DEFB132: variants seen among roughly 807,000 people sequenced by gnomAD.
The protein encoded by DEFB132 is defensin beta 132.
Under a neutral mutation model 2.5 loss-of-function variants are expected in DEFB132, and 5 were observed. That is an observed-to-expected ratio of 2.00 (90% CI 1.04 to 4.20). The LOEUF (loss-of-function observed/expected upper bound fraction) is 4.20. Ranked by LOEUF, DEFB132 falls within the 30% of genes most tolerant of loss-of-function variation. The pLI, the probability that DEFB132 is intolerant of heterozygous loss-of-function variation, is 0.00. For missense variants in DEFB132, 112 were observed against 110.0 expected (o/e 1.02, Z -0.08); for synonymous variants, 53 against 46.2 (o/e 1.15, Z -0.60).
rs371055245 is a variant in DEFB132, at chr20:259,310, C to T, written c.*4C>T. On this transcript the variant is annotated 3_prime_UTR_variant, in exon 2 of 2. Transcript: ENST00000382376. ...ACAAACGACCGTAACATCATAATAA[C>T]CACTGCTATCGCCTCCACCAACTCA... The T allele has an allele frequency of 6.7e-5, 108 of 1,613,568 alleles. No homozygotes were observed. Among genetic ancestry groups the T allele is most frequent in the Non-Finnish European group, 8.6e-5 (102 of 1,179,788 alleles).
rs146838828 is a variant in DEFB132, at chr20:259,013, G to A, written c.59-64G>A. On this transcript the variant is annotated intron_variant, in intron 1 of 1. Coordinates refer to ENST00000382376, the MANE Select transcript of DEFB132 (RefSeq NM_207469.3). ...AAGCCAAACACTCCCATCTGGCGCT[G>A]ACGCTTTAGTAGCCCTGTGCTGCTT... The A allele has an allele frequency of 4.1e-4, 625 of 1,536,776 alleles. 3 individuals carry two copies. The African/African-American group carries it at 7.4e-3, about 18-fold the overall frequency.
rs1314835296 is a variant in DEFB132, at chr20:259,438, GT to G, written c.*133del. 1 of 905,874 alleles carries G rather than the reference GT, an allele frequency of 1.1e-6. No individual in the cohort carries two copies. Among genetic ancestry groups the G allele is most frequent in the East Asian group, 2.6e-5 (1 of 37,774 alleles). 56.1% of individuals were successfully genotyped at this position (905,874 alleles called of 1,614,324 possible). A position where few individuals can be genotyped will look rare whatever the true frequency, so the allele number is the denominator to read the frequency against. ...ATCTATAGCCAACCCCAAAACTTCT[GT>G]CTTCTATCATTCTGTCATTCATCTA... On this transcript the variant is annotated 3_prime_UTR_variant, in exon 2 of 2. Transcript: ENST00000382376.
intron 1 of DEFB132, 90 bp from the exon 2 acceptor site, chr20:258,987 A>G (rs2011609231): frequency 7.5e-7 from 1 of 1,338,104 alleles, no homozygotes. Flanking sequence ...CTCAGAACAA[A>G]AAGCCAAACA....
rs1451877631 is a variant in DEFB132, at chr20:257,916, C to T, written c.58+80C>T. The T allele has an allele frequency of 1.2e-5, 17 of 1,472,776 alleles. No homozygotes were observed. The South Asian group carries it at 2.0e-4, about 18-fold the overall frequency. 91.2% of individuals were successfully genotyped at this position (1,472,776 alleles called of 1,614,324 possible). A position where few individuals can be genotyped will look rare whatever the true frequency, so the allele number is the denominator to read the frequency against. Reference sequence around the variant, plus strand: ...TCTGGTTGCTCTGGTGATAGATGAGCCAGGTTGGGTGGAGGCAGGGCTCAC... The same window carrying T: ...TCTGGTTGCTCTGGTGATAGATGAGTCAGGTTGGGTGGAGGCAGGGCTCAC... On this transcript the variant is annotated intron_variant, in intron 1 of 1. Coordinates refer to ENST00000382376, the MANE Select transcript of DEFB132 (RefSeq NM_207469.3).
At position 260,911 on chromosome 20, in the gene DEFB132, A is replaced by T. The variant is rs1398556623; in HGVS notation, c.*1605A>T. On this transcript the variant is annotated 3_prime_UTR_variant, in exon 2 of 2. Transcript: ENST00000382376. Reference sequence around the variant, plus strand: ...TAAATATTAAGTTCTTATGTATGTCAAAAGATATCATTTTGAAATTCATCC... The same window carrying T: ...TAAATATTAAGTTCTTATGTATGTCTAAAGATATCATTTTGAAATTCATCC... The T allele has an allele frequency of 6.6e-6, 1 of 152,244 alleles. No homozygotes were observed. The highest frequency in any genetic ancestry group is 1.9e-4 in the East Asian group (1 of 5,206). 9.4% of individuals were successfully genotyped at this position (152,244 alleles called of 1,614,324 possible).
At chr20:258,074 C>T (rs1303981926) in intron 1 of DEFB132, among the ~76,000 whole-genome samples, 1 of 152,190 alleles carries the variant, frequency 6.6e-6, no homozygotes, top group East Asian at 1.9e-4. Flanking sequence ...TCACCCTCAA[C>T]CTAAACCAAA....
In DEFB132 at chr20:259,139, T is replaced by G. The variant is rs1327447573; in HGVS notation, c.121T>G (p.Trp41Gly). The G allele has an allele frequency of 1.2e-6, 2 of 1,614,036 alleles. No individual in the cohort carries two copies. The highest frequency in any genetic ancestry group is 1.7e-6 in the Non-Finnish European group (2 of 1,180,034). ...AGGATACTGCAGGACATGTTGCCAC[T>G]GGGGGGAGACAGCATTGTTCATGTG... ...TPGYCRTCCH[W>G]GETALFMCNA... The change falls in exon 2 of 2, where the codon TGG (tryptophan) becomes GGG (glycine). Residue 41 changes from tryptophan to glycine, a missense_variant. By Grantham distance (184) the Trp-to-Gly change is radical. Transcript: ENST00000382376.
At position 259,961 on chromosome 20, in the gene DEFB132, A is replaced by G. The variant is rs73570492; in HGVS notation, c.*655A>G. 3,260 of 154,262 alleles carry G rather than the reference A, an allele frequency of 0.021. 108 individuals are homozygous for G. Among genetic ancestry groups the G allele is most frequent in the South Asian group, 0.079 (389 of 4,938 alleles). The allele number at this position is 154,262 out of a possible 1,614,324, so 9.6% of individuals were successfully genotyped here. ...AGCAAGTTCTCTTGAAAGGAAATCTAAACAGTGCACCCCCATGGCTGCCAC... is the reference window on the plus strand; with the variant it reads ...AGCAAGTTCTCTTGAAAGGAAATCTGAACAGTGCACCCCCATGGCTGCCAC... On this transcript the variant is annotated 3_prime_UTR_variant, in exon 2 of 2. Coordinates refer to ENST00000382376, the MANE Select transcript of DEFB132 (RefSeq NM_207469.3).
chr20:258,018 C>T (rs77888175), intron 1 of DEFB132, among the ~76,000 whole-genome samples, 182 bp downstream of exon 1: 2,296 of 152,254 alleles, frequency 0.015, 60 homozygotes, highest in African/African-American at 0.052. Context: ...CAAACACCAC[C>T]CTATATAACC....
chr20:259,079 A>AG lies in DEFB132; in HGVS notation c.62dup (p.Ser21ArgfsTer10). 6.2e-7 allele frequency: 1 copy of AG among 1,614,112 alleles called. No homozygotes were observed. Among genetic ancestry groups the AG allele is most frequent in the South Asian group, 1.1e-5 (1 of 91,078 alleles). ...CTGTCTTGTCCTCTCCCATACAGCC[A>AG]GTGCAGGTGGGTCAAAATGTGTGAG... On this transcript the variant is annotated frameshift_variant, in exon 2 of 2. Transcript: ENST00000382376. LOFTEE classifies it low-confidence loss of function (END_TRUNC).
Position 259,459 on chromosome 20 carries a change from C to A in DEFB132, c.*153C>A. 1 of 735,596 alleles carries A rather than the reference C, an allele frequency of 1.4e-6. No homozygotes were observed. Among genetic ancestry groups the A allele is most frequent in the Non-Finnish European group, 2.2e-6 (1 of 456,826 alleles). The allele number at this position is 735,596 out of a possible 1,614,324, so 45.6% of individuals were successfully genotyped here. ...TTCTGTCTTCTATCATTCTGTCATT[C>A]ATCTAGTAACTAATTTGGAGTTTGT... On this transcript the variant is annotated 3_prime_UTR_variant, in exon 2 of 2. Coordinates refer to ENST00000382376, the MANE Select transcript of DEFB132 (RefSeq NM_207469.3).
At chr20:258,560 A>C (rs541908676) in intron 1 of DEFB132, among the ~76,000 whole-genome samples, 1 of 152,352 alleles carries the variant, frequency 6.6e-6, no homozygotes. Context: ...GGGTGAATGC[A>C]AAAATGCCCT....
rs2011620733 is a variant in DEFB132, at chr20:259,652, G to GCTC, written c.*347_*348insTCC. Reference sequence around the variant, plus strand: ...GACAGAGCAGCCACAGGCAGGGAGAGCCTTCAGACTGCAACGCTGGCCTGA... The same window carrying GCTC: ...GACAGAGCAGCCACAGGCAGGGAGAGCTCCCTTCAGACTGCAACGCTGGCCTGA... On this transcript the variant is annotated 3_prime_UTR_variant, in exon 2 of 2. Coordinates refer to ENST00000382376, the MANE Select transcript of DEFB132 (RefSeq NM_207469.3). The GCTC allele has an allele frequency of 8.6e-6, 3 of 349,998 alleles. No homozygotes were observed. Among genetic ancestry groups the GCTC allele is most frequent in the Non-Finnish European group, 1.6e-5 (3 of 183,516 alleles). 21.7% of individuals were successfully genotyped at this position (349,998 alleles called of 1,614,324 possible). A position where few individuals can be genotyped will look rare whatever the true frequency, so the allele number is the denominator to read the frequency against.
Sources: gnomAD v4.1 joint callset for allele counts (sites outside exome capture counted in the v4.1 genomes callset) on GRCh38, gnomAD v4.1.1 for gene constraint, MANE v1.5 for transcripts, NCBI Gene and HGNC (gene_info 2026-07-23, HGNC 2026-07-21) for gene names.